The following CDIN1 variants were observed in gnomAD, a reference collection of about 807,000 sequenced individuals.
CDIN1 encodes the protein CDAN1-interacting nuclease 1.
In CDIN1, 33 loss-of-function variants were observed where a neutral mutation model predicts 45.3. The ratio of observed to expected loss-of-function variants is 0.73; its 90% confidence interval spans 0.55 to 0.97. CDIN1 has a LOEUF of 0.97. CDIN1 is among the 50% of genes least tolerant of loss of function. The probability of loss-of-function intolerance (pLI) is 0.00; values close to 1 mark genes in which losing one functional copy is unlikely to be tolerated. For missense variants in CDIN1, 303 were observed against 339.4 expected, an observed-to-expected ratio of 0.89 and a Z score of 0.84; for synonymous variants, 118 against 124.4, an observed-to-expected ratio of 0.95 and a Z score of 0.34.
At chr15:36,656,260 CAG>C (rs1476671667) in intron 4 of CDIN1, among the ~76,000 whole-genome samples, 3 of 152,026 alleles carry the variant, frequency 2.0e-5, no homozygotes, top group Non-Finnish European at 4.4e-5. Context: ...TTTATTTAAT[CAG>C]GGGAAACTAT....
At chr15:36,787,944 T>C (rs1394552757) in intron 10 of CDIN1, among the ~76,000 whole-genome samples, 1 of 150,444 alleles carries the variant, frequency 6.6e-6, no homozygotes, top group Non-Finnish European at 1.5e-5. Context: ...TAAATGATGT[T>C]ATTCATACTT....
chr15:36,594,687 G>A (rs765100562), intron 1 of CDIN1, among the ~76,000 whole-genome samples: 3 of 152,124 alleles, frequency 2.0e-5, no homozygotes, highest in Non-Finnish European at 2.9e-5. Flanking sequence ...ACCTTTGTGC[G>A]CAATAAAAAT....
chr15:36,643,779 TC>T (rs2040203926), intron 1 of CDIN1, among the ~76,000 whole-genome samples: 1 of 152,208 alleles, frequency 6.6e-6, no homozygotes. Context: ...GTGGGAATGT[TC>T]CAGTGACCAC....
At chr15:36,745,843 G>A (rs977840036) in intron 10 of CDIN1, among the ~76,000 whole-genome samples, 10 of 152,140 alleles carry the variant, frequency 6.6e-5, no homozygotes, top group African/African-American at 2.4e-4. Flanking sequence ...GTGGATGCCT[G>A]TAATCCCAGC....
intron 10 of CDIN1, among the ~76,000 whole-genome samples, chr15:36,784,810 C>T (rs139434134): frequency 2.0e-5 from 3 of 152,214 alleles, no homozygotes; most frequent in East Asian, 1.9e-4. Context: ...CTTTTTCCTT[C>T]AGTACCATAA....
At chr15:36,796,897 C>T (rs1030778883) in intron 10 of CDIN1, among the ~76,000 whole-genome samples, 1 of 152,226 alleles carries the variant, frequency 6.6e-6, no homozygotes, top group Non-Finnish European at 1.5e-5. Flanking sequence ...CACATATTTG[C>T]ATTTCCCTTT....
At position 36,760,273 on chromosome 15, in the gene CDIN1, A is replaced by G. The variant is rs117201966; in HGVS notation, c.717-48051A>G. Among the ~76,000 whole-genome samples, 605 of 152,220 alleles carry G rather than the reference A, an allele frequency of 4.0e-3. 4 individuals carry two copies. Among genetic ancestry groups the G allele is most frequent in the Non-Finnish European group, 6.1e-3 (414 of 68,008 alleles). On this transcript the variant is annotated intron_variant, in intron 10 of 10. Coordinates refer to ENST00000566621, the MANE Select transcript of CDIN1 (RefSeq NM_001321759.2). ...GGAAAGTACAATAGCCTCAGTCAAC[A>G]TTTTCATTCTCTTCTGTCTTGTAAA...
intron 1 of CDIN1, among the ~76,000 whole-genome samples, chr15:36,586,629 G>A (rs2037313086): frequency 6.6e-6 from 1 of 152,198 alleles, no homozygotes; most frequent in African/African-American, 2.4e-5. Flanking sequence ...TGTAGTCCTA[G>A]TTATTCAGGA....
intron 10 of CDIN1, among the ~76,000 whole-genome samples, chr15:36,794,346 A>G (rs1396642447): frequency 6.6e-6 from 1 of 152,094 alleles, no homozygotes; most frequent in Non-Finnish European, 1.5e-5. Context: ...GTGTGACATC[A>G]TAACTATTTT....
chr15:36,758,648 A>G (rs1358280507), intron 10 of CDIN1, among the ~76,000 whole-genome samples: 1 of 152,152 alleles, frequency 6.6e-6, no homozygotes, highest in Non-Finnish European at 1.5e-5. Flanking sequence ...TCACCTTTGC[A>G]CTTAATGGAA....
chr15:36,640,521 A>G, intron 1 of CDIN1: 3 of 420,250 alleles, frequency 7.1e-6, no homozygotes, highest in Non-Finnish European at 9.6e-6. Context: ...TGAGCCCAGT[A>G]GAGTGTACAC....
At chr15:36,691,066 C>T in intron 5 of CDIN1, 1 of 485,366 alleles carries the variant, frequency 2.1e-6, no homozygotes, top group Non-Finnish European at 4.0e-6. Flanking sequence ...GTGTCTCTCT[C>T]TGTATATATT....
intron 1 of CDIN1, among the ~76,000 whole-genome samples, chr15:36,635,446 A>G (rs1414060982): frequency 2.6e-5 from 4 of 152,186 alleles, no homozygotes; most frequent in South Asian, 2.1e-4. Context: ...CTGCATATCT[A>G]GAGGACCAAC....
In CDIN1 at chr15:36,809,111, G is replaced by T. The variant is rs1595633540; in HGVS notation, c.*658G>T. 2.9e-6 allele frequency: 1 copy of T among 340,010 alleles called. No homozygotes were observed. Among genetic ancestry groups the T allele is most frequent in the East Asian group, 7.9e-5 (1 of 12,696 alleles). The allele number at this position is 340,010 out of a possible 1,614,324, so 21.1% of individuals were successfully genotyped here. On this transcript the variant is annotated 3_prime_UTR_variant, in exon 11 of 11. Transcript: ENST00000566621. ...AGCCAAGTGCAAAAATACACTTGAT[G>T]AGAATTTCCTCTTTTAATAATGTTA... is the stretch of plus-strand genomic sequence containing the variant.
intron 1 of CDIN1, chr15:36,613,883 G>A: frequency 6.4e-7 from 1 of 1,566,476 alleles, no homozygotes. Context: ...GATCACTGAA[G>A]GAGACTTGGA....
chr15:36,774,375 C>T (rs1160259213), intron 10 of CDIN1, among the ~76,000 whole-genome samples: 3 of 151,896 alleles, frequency 2.0e-5, no homozygotes, highest in East Asian at 3.9e-4. Flanking sequence ...TTGGAGGGGA[C>T]GTCTGTACCA....
intron 5 of CDIN1, among the ~76,000 whole-genome samples, chr15:36,667,068 G>A (rs1401660300): frequency 6.6e-6 from 1 of 152,172 alleles, no homozygotes. Flanking sequence ...TCACAATTAT[G>A]CTCAACTACT....
intron 3 of CDIN1, among the ~76,000 whole-genome samples, chr15:36,652,886 A>G (rs189530729): frequency 1.9e-4 from 29 of 152,302 alleles, no homozygotes; most frequent in Admixed American, 1.6e-3. Context: ...TCAGACAAAT[A>G]CCCAGAGCTT....
intron 1 of CDIN1, among the ~76,000 whole-genome samples, chr15:36,595,898 A>T (rs1360679960): frequency 6.6e-6 from 1 of 152,244 alleles, no homozygotes; most frequent in African/African-American, 2.4e-5. Flanking sequence ...ACGGCATATC[A>T]TCAGTAACTG....
Sources: gnomAD v4.1 joint callset for allele counts (sites outside exome capture counted in the v4.1 genomes callset) on GRCh38, gnomAD v4.1.1 for gene constraint, MANE v1.5 for transcripts, NCBI Gene and HGNC (gene_info 2026-07-23, HGNC 2026-07-21) for gene names.